The following RBM39 variants were observed in gnomAD, a reference collection of about 807,000 sequenced individuals.
RBM39 encodes RNA-binding protein 39.
Under a neutral mutation model 79.6 loss-of-function variants are expected in RBM39, and 12 were observed. The ratio of observed to expected loss-of-function variants is 0.15; its 90% CI spans 0.10 to 0.24. The LOEUF is 0.24. Ranked by LOEUF, RBM39 falls within the 10% of genes least tolerant of loss-of-function variation. The probability of loss-of-function intolerance (pLI) is 1.00; values close to 1 mark genes in which losing one functional copy is unlikely to be tolerated. For synonymous variants in RBM39, 185 were observed against 208.4 expected (o/e 0.89, Z 0.97); for missense variants, 243 against 653.4 (o/e 0.37, Z 6.85).
chr20:35,710,707 A>G (rs772044104), intron 12 of RBM39: 4 of 152,212 alleles, frequency 2.6e-5, no homozygotes, highest in African/African-American at 7.2e-5. Context: ...ATTTTATTTC[A>G]GCAAGTTATA....
intron 2 of RBM39, chr20:35,739,666 T>C (rs2040320738): frequency 2.7e-6 from 1 of 368,596 alleles, no homozygotes. Context: ...CCTGTTTACA[T>C]GGAATTACAT....
In RBM39 at chr20:35,726,209, G is replaced by A. The variant is rs145108349; in HGVS notation, c.417-1054C>T. ...TGCAGTGGCGCAATCTCGGCTCACT[G>A]CAACCTCCGCCTCCAGGGTTCAAGC... On this transcript the variant is annotated intron_variant, in intron 6 of 16. Coordinates refer to ENST00000253363, the MANE Select transcript of RBM39 (RefSeq NM_184234.3). 1.5e-3 allele frequency among the ~76,000 whole-genome samples: 228 copies of A among 151,566 alleles called. 1 individual carries two copies. Among genetic ancestry groups the A allele is most frequent in the Non-Finnish European group, 2.3e-3 (154 of 67,774 alleles).
At chr20:35,715,034 CCA>C (rs1159961795) in intron 10 of RBM39, among the ~76,000 whole-genome samples, 2 of 152,112 alleles carry the variant, frequency 1.3e-5, no homozygotes, top group Non-Finnish European at 2.9e-5. Flanking sequence ...AGCCTAATGA[CCA>C]GTAAGTTAAA....
At chr20:35,725,996 C>CA (rs1330721996) in intron 6 of RBM39, among the ~76,000 whole-genome samples, 2 of 151,956 alleles carry the variant, frequency 1.3e-5, no homozygotes, top group East Asian at 1.9e-4. Context: ...GATCTATTGA[C>CA]AAAAAATGCG....
At chr20:35,714,882 A>T (rs985780013) in intron 10 of RBM39, among the ~76,000 whole-genome samples, 1 of 152,232 alleles carries the variant, frequency 6.6e-6, no homozygotes, top group Non-Finnish European at 1.5e-5. Context: ...ATTTTGGTTT[A>T]CACATATACC....
At chr20:35,727,963 G>A (rs538342520) in intron 6 of RBM39, among the ~76,000 whole-genome samples, 1 of 151,670 alleles carries the variant, frequency 6.6e-6, no homozygotes, top group East Asian at 1.9e-4. Flanking sequence ...AATTTTTGTA[G>A]TTTTAGTAGA....
chr20:35,704,990 A>T, intron 15 of RBM39: 1 of 586,010 alleles, frequency 1.7e-6, no homozygotes, highest in Non-Finnish European at 3.0e-6. Context: ...AGATGCCAAG[A>T]TTTCATGGCA....
intron 3 of RBM39, chr20:35,734,143 T>A (rs1478989535): frequency 1.7e-6 from 2 of 1,171,868 alleles, no homozygotes; most frequent in African/African-American, 1.6e-5. Flanking sequence ...TGTAAGCAGG[T>A]CATCTTTAGA....
intron 6 of RBM39, among the ~76,000 whole-genome samples, chr20:35,725,836 G>C (rs1051867381): frequency 1.3e-5 from 2 of 151,186 alleles, no homozygotes; most frequent in Admixed American, 6.6e-5. Flanking sequence ...GCTAATTTTT[G>C]TATTTTAAGT....
At chr20:35,737,299 AG>A (rs1339368572) in intron 3 of RBM39, among the ~76,000 whole-genome samples, 1 of 151,502 alleles carries the variant, frequency 6.6e-6, no homozygotes, top group African/African-American at 2.4e-5. Flanking sequence ...CTGAGGCGGA[AG>A]AATCGCTTAA....
Position 35,719,793 on chromosome 20 carries a change from G to T in RBM39, c.825+1947C>A, listed in dbSNP as rs986226025. Among the ~76,000 whole-genome samples the T allele has an allele frequency of 4.6e-5, 7 of 152,070 alleles. No individual in the cohort carries two copies. The East Asian group carries it at 1.3e-3, about 29-fold the overall frequency. Reference sequence around the variant, plus strand: ...GTACACAGATTTCTCAAATATCCATGATTATTCTTTTTCTTTTCTTTCGGA... The same window carrying T: ...GTACACAGATTTCTCAAATATCCATTATTATTCTTTTTCTTTTCTTTCGGA... On this transcript the variant is annotated intron_variant, in intron 9 of 16. Transcript: ENST00000253363.
chr20:35,734,276 CCA>C, intron 3 of RBM39: 1 of 1,271,366 alleles, frequency 7.9e-7, no homozygotes, highest in Non-Finnish European at 1.0e-6. Flanking sequence ...TCAAGATAAT[CCA>C]CCTGACTGTC....
At chr20:35,722,556 G>C (rs1296957683) in intron 8 of RBM39, among the ~76,000 whole-genome samples, 1 of 137,556 alleles carries the variant, frequency 7.3e-6, no homozygotes, top group Non-Finnish European at 1.5e-5. Flanking sequence ...TCATCCACTA[G>C]AGACTGCCAG....
At position 35,702,730 on chromosome 20, in the gene RBM39, T is replaced by A. The variant is rs950449960; in HGVS notation, c.*1751A>T. Reference sequence around the variant, plus strand: ...GCGGACAGATCACTTGAGGTCAGTGTGAGACCAGCCGGGCTAACACCGTCT... The same window carrying A: ...GCGGACAGATCACTTGAGGTCAGTGAGAGACCAGCCGGGCTAACACCGTCT... On this transcript the variant is annotated 3_prime_UTR_variant, in exon 17 of 17. Coordinates refer to ENST00000253363, the MANE Select transcript of RBM39 (RefSeq NM_184234.3). The A allele has an allele frequency of 6.6e-6, 1 of 152,164 alleles. No homozygotes were observed. Among genetic ancestry groups the A allele is most frequent in the East Asian group, 1.9e-4 (1 of 5,200 alleles). The allele number at this position is 152,164 out of a possible 1,614,324, so 9.4% of individuals were successfully genotyped here. A position where few individuals can be genotyped will look rare whatever the true frequency, so the allele number is the denominator to read the frequency against.
chr20:35,733,651 T>C (rs2039616276), intron 3 of RBM39, among the ~76,000 whole-genome samples: 1 of 152,054 alleles, frequency 6.6e-6, no homozygotes, highest in African/African-American at 2.4e-5. Context: ...TAAAATACAA[T>C]TTGACATTCC....
intron 9 of RBM39, among the ~76,000 whole-genome samples, chr20:35,721,067 A>G (rs2037874945): frequency 6.6e-6 from 1 of 151,992 alleles, no homozygotes; most frequent in Admixed American, 6.6e-5. Flanking sequence ...CGGCCTCCCG[A>G]GTAGCTGGGA....
chr20:35,705,173 TTA>T, intron 15 of RBM39, 50 bp downstream of exon 15: 1 of 1,084,840 alleles, frequency 9.2e-7, no homozygotes, highest in Non-Finnish European at 1.4e-6. Context: ...TGTGCGAAGA[TTA>T]AGGTAGAGAC....
At chr20:35,707,855 G>C in intron 13 of RBM39, 3 of 461,190 alleles carry the variant, frequency 6.5e-6, no homozygotes, top group Non-Finnish European at 1.3e-5. Context: ...GGGGTTTGAA[G>C]TTTAAAGAGC....
intron 6 of RBM39, among the ~76,000 whole-genome samples, chr20:35,726,286 C>T (rs973047264): frequency 1.3e-5 from 2 of 152,036 alleles, no homozygotes; most frequent in African/African-American, 4.8e-5. Flanking sequence ...TGTGTGCCAC[C>T]ATGCCTGGCT....
Sources: allele counts gnomAD v4.1 joint callset (sites outside exome capture counted in the v4.1 genomes callset), GRCh38; gene constraint gnomAD v4.1.1; transcripts MANE v1.5; gene names NCBI Gene and HGNC (gene_info 2026-07-23, HGNC 2026-07-21).